The following LCLAT1 variants were observed in gnomAD, a reference collection of about 807,000 sequenced individuals.
The protein encoded by LCLAT1 is 1-AGP acyltransferase 8.
In LCLAT1, 11 loss-of-function variants were observed where a neutral mutation model predicts 30.7. The observed-to-expected ratio is 0.36, with a 90% CI of 0.23 to 0.59. The LOEUF is 0.59. Among genes scored for constraint, LCLAT1 ranks in the 20% least tolerant of loss-of-function variants. The pLI, the probability that LCLAT1 is intolerant of heterozygous loss-of-function variation, is 0.77. For missense variants in LCLAT1, 402 were observed against 458.6 expected, an observed-to-expected ratio of 0.88 and a Z score of 1.13; for synonymous variants, 155 against 151.3, an observed-to-expected ratio of 1.02 and a Z score of -0.18.
intron 5 of LCLAT1, among the ~76,000 whole-genome samples, chr2:30,568,505 CTTT>C (rs35285466): frequency 9.4e-5 from 8 of 85,334 alleles, no homozygotes; most frequent in African/African-American, 1.4e-4. Context: ...GTCTTTCTTT[CTTT>C]TTTTTTTTTT....
rs975751672 is a variant in LCLAT1 at position 30,447,326 on chromosome 2, G to T, written c.-62G>T. The T allele has an allele frequency of 6.6e-6, 1 of 152,120 alleles. No homozygotes were observed. The highest frequency in any genetic ancestry group is 2.4e-5 in the African/African-American group (1 of 41,424). 9.4% of individuals were successfully genotyped at this position (152,120 alleles called of 1,614,324 possible). On this transcript the variant is annotated 5_prime_UTR_variant, in exon 1 of 6. Transcript: ENST00000379509. ...GCACGGAGGTTGTGACCCCTACGGA[G>T]CCCCAGCTTGCCCACGCACCCCACT...
intron 5 of LCLAT1, among the ~76,000 whole-genome samples, chr2:30,575,839 G>C (rs766225302): frequency 2.6e-5 from 4 of 152,048 alleles, no homozygotes; most frequent in Non-Finnish European, 4.4e-5. Context: ...GATAGTTATT[G>C]CAACCTCGTG....
intron 5 of LCLAT1, among the ~76,000 whole-genome samples, chr2:30,600,354 A>T (rs1264355588): frequency 6.6e-6 from 1 of 152,162 alleles, no homozygotes; most frequent in Non-Finnish European, 1.5e-5. Context: ...TAGAATCTTG[A>T]ACACAGCTAA....
chr2:30,545,634 T>C (rs1664368728), intron 3 of LCLAT1, among the ~76,000 whole-genome samples: 1 of 139,950 alleles, frequency 7.1e-6, no homozygotes, highest in Non-Finnish European at 1.6e-5. Context: ...ATATACAGAA[T>C]AGATTTTAAG....
At chr2:30,467,116 T>C (rs1049994117) in intron 1 of LCLAT1, among the ~76,000 whole-genome samples, 1 of 151,882 alleles carries the variant, frequency 6.6e-6, no homozygotes, top group African/African-American at 2.4e-5. Context: ...CAGGCCCCGA[T>C]GTGTGATGTT....
At chr2:30,568,031 G>T in intron 4 of LCLAT1, 29 bp from the exon 5 acceptor site, 3 of 1,160,952 alleles carry the variant, frequency 2.6e-6, no homozygotes, top group South Asian at 1.4e-5. Context: ...TTTAGTTTAT[G>T]ATTTATAATG....
intron 3 of LCLAT1, among the ~76,000 whole-genome samples, chr2:30,540,667 CTTT>C (rs563391404): frequency 7.0e-6 from 1 of 142,828 alleles, no homozygotes; most frequent in Non-Finnish European, 1.5e-5. Flanking sequence ...CTTTTCCTTT[CTTT>C]TTTTTTTTTT....
intron 5 of LCLAT1, among the ~76,000 whole-genome samples, chr2:30,615,025 A>G (rs1210596091): frequency 2.0e-5 from 3 of 152,152 alleles, no homozygotes; most frequent in South Asian, 4.1e-4. Flanking sequence ...TGGGTTCGAG[A>G]GAGAAATGAA....
intron 1 of LCLAT1, among the ~76,000 whole-genome samples, chr2:30,474,649 CTTTTTT>C (rs10654986): frequency 5.6e-5 from 8 of 143,894 alleles, no homozygotes; most frequent in African/African-American, 2.1e-4. Flanking sequence ...AATAATTTAA[CTTTTTT>C]TTTTTTTTTT....
At chr2:30,633,099 T>G (rs930932635) in intron 5 of LCLAT1, among the ~76,000 whole-genome samples, 1 of 152,244 alleles carries the variant, frequency 6.6e-6, no homozygotes, top group Non-Finnish European at 1.5e-5. Flanking sequence ...TCTGTCATGC[T>G]TTATTACTAG....
intron 1 of LCLAT1, among the ~76,000 whole-genome samples, chr2:30,479,500 G>C (rs1184947133): frequency 6.6e-6 from 1 of 152,178 alleles, no homozygotes; most frequent in Non-Finnish European, 1.5e-5. Context: ...CTCTGCCTCA[G>C]CCTCGCAAAG....
intron 1 of LCLAT1, among the ~76,000 whole-genome samples, chr2:30,453,322 A>C (rs1223362925): frequency 2.6e-5 from 4 of 152,090 alleles, no homozygotes; most frequent in Non-Finnish European, 4.4e-5. Flanking sequence ...TGTGACTGGG[A>C]GTGTGGACTG....
At chr2:30,639,880 A>T (rs1031570706) in intron 5 of LCLAT1, among the ~76,000 whole-genome samples, 86 of 152,350 alleles carry the variant, frequency 5.6e-4, no homozygotes, top group African/African-American at 2.0e-3. Context: ...TCTGCAAATG[A>T]AGATATTTTC....
intron 1 of LCLAT1, among the ~76,000 whole-genome samples, chr2:30,457,982 CTCTT>C (rs1164845913): frequency 4.0e-5 from 6 of 151,794 alleles, no homozygotes; most frequent in Non-Finnish European, 5.9e-5. Context: ...TTTTAAAAAA[CTCTT>C]TATTAGAAGA....
chr2:30,539,019 G>A (rs1309476879), intron 3 of LCLAT1, among the ~76,000 whole-genome samples: 2 of 151,206 alleles, frequency 1.3e-5, no homozygotes, highest in East Asian at 3.9e-4. Context: ...GAGTGCAGTG[G>A]TGTGATATTG....
intron 5 of LCLAT1, among the ~76,000 whole-genome samples, chr2:30,582,118 T>C (rs1666234579): frequency 6.6e-6 from 1 of 152,114 alleles, no homozygotes; most frequent in South Asian, 2.1e-4. Flanking sequence ...CTCCTTTGGG[T>C]CAAGGAGCTT....
intron 4 of LCLAT1, among the ~76,000 whole-genome samples, chr2:30,563,383 A>G (rs1207881676): frequency 1.3e-5 from 2 of 152,242 alleles, no homozygotes; most frequent in Non-Finnish European, 2.9e-5. Flanking sequence ...GGATAAAAGC[A>G]GAACTGCTCT....
At chr2:30,625,449 C>A (rs186616374) in intron 5 of LCLAT1, among the ~76,000 whole-genome samples, 3 of 152,230 alleles carry the variant, frequency 2.0e-5, no homozygotes, top group Non-Finnish European at 4.4e-5. Context: ...CTGTAACTTA[C>A]CAGAGACCTT....
Position 30,459,785 on chromosome 2 carries a change from A to T in LCLAT1, c.-5+12402A>T, listed in dbSNP as rs1218591883. 16 of 1,078,246 alleles carry T rather than the reference A, an allele frequency of 1.5e-5. No homozygotes were observed. The East Asian group carries it at 3.5e-4, about 24-fold the overall frequency. 66.8% of individuals were successfully genotyped at this position (1,078,246 alleles called of 1,614,324 possible). A position where few individuals can be genotyped will look rare whatever the true frequency, so the allele number is the denominator to read the frequency against. ...GTCTTGCTTCATATATCTGAACACA[A>T]AGCTTTTTGAATTGATCATAGTTTG... On this transcript the variant is annotated intron_variant, in intron 1 of 5. Coordinates refer to ENST00000379509, the MANE Select transcript of LCLAT1 (RefSeq NM_001002257.3).
Sources: gnomAD v4.1 joint callset for allele counts (sites outside exome capture counted in the v4.1 genomes callset) on GRCh38, gnomAD v4.1.1 for gene constraint, MANE v1.5 for transcripts, NCBI Gene and HGNC (gene_info 2026-07-23, HGNC 2026-07-21) for gene names.